The following CNOT3 variants were observed in gnomAD, a reference collection of about 807,000 sequenced individuals.
The protein encoded by CNOT3 is CCR4-NOT transcription complex subunit 3, also known as CCR4-associated factor 3.
A neutral mutation model predicts 89.4 loss-of-function variants in CNOT3; 2 were observed. The ratio of observed to expected loss-of-function variants is 0.02; its 90% CI spans 0.01 to 0.07. CNOT3 has a LOEUF of 0.07. Among genes scored for constraint, CNOT3 ranks in the 10% least tolerant of loss-of-function variants. The pLI, the probability that CNOT3 is intolerant of heterozygous loss-of-function variation, is 1.00. For missense variants in CNOT3, 664 were observed against 1,010.2 expected, an observed-to-expected ratio of 0.66 and a Z score of 4.65; for synonymous variants, 486 against 402.0, an observed-to-expected ratio of 1.21 and a Z score of -2.50.
In CNOT3 at chr19:54,148,240, T is replaced by G; in HGVS notation, c.987T>G (p.Pro329=). 6.3e-7 allele frequency: 1 copy of G among 1,594,550 alleles called. No individual in the cohort carries two copies. Among genetic ancestry groups the G allele is most frequent in the Non-Finnish European group, 8.5e-7 (1 of 1,170,164 alleles). ...VPPTYPSGPP[P]AASALSTTPG... ...CCACCTACCCCTCCGGCCCCCCGCC[T>G]GCTGCCTCTGCCTTGAGCACCACTC... The change falls in exon 11 of 18, where the codon CCT becomes CCG. Residue 329 remains proline (P), a synonymous_variant. Transcript: ENST00000221232. The surrounding 1 kb of genome is among the most constrained non-coding windows in gnomAD (Gnocchi z 6.3).
At chr19:54,143,839 A>G (rs1445685029) in intron 5 of CNOT3, 90 bp downstream of exon 5, 6 of 1,481,358 alleles carry the variant, frequency 4.1e-6, no homozygotes, top group Non-Finnish European at 1.9e-6. Context: ...GCCAGACCCC[A>G]GAGGTCCTCA....
chr19:54,152,020 G>A (rs992049487), intron 13 of CNOT3, among the ~76,000 whole-genome samples: 1 of 152,214 alleles, frequency 6.6e-6, no homozygotes, highest in Non-Finnish European at 1.5e-5. Flanking sequence ...CTCACGAGAC[G>A]TTCCTCTGCT....
Position 54,155,572 on chromosome 19 carries a change from G to T in CNOT3, c.*165G>T, listed in dbSNP as rs1365261048. The T allele has an allele frequency of 1.0e-6, 1 of 971,600 alleles. No homozygotes were observed. Among genetic ancestry groups the T allele is most frequent in the Non-Finnish European group, 1.5e-6 (1 of 664,340 alleles). 60.2% of individuals were successfully genotyped at this position (971,600 alleles called of 1,614,324 possible). A position where few individuals can be genotyped will look rare whatever the true frequency, so the allele number is the denominator to read the frequency against. ...GAGGTTTTCCTCTCAGCCCCACCCT[G>T]GGGGCCCGGGGGCGAGGGCTGCCCC... On this transcript the variant is annotated 3_prime_UTR_variant, in exon 18 of 18. Coordinates refer to ENST00000221232, the MANE Select transcript of CNOT3 (RefSeq NM_014516.4).
At position 54,143,140 on chromosome 19, in the gene CNOT3, A is replaced by G; in HGVS notation, c.47A>G (p.Lys16Arg). Residue 16 changes from lysine to arginine, a missense_variant, in exon 3 of 18, where the codon AAG (lysine) becomes AGG (arginine). Lys to Arg is a conservative substitution (Grantham distance 26). Around this residue, in one of 8 missense-constraint regions of CNOT3, gnomAD observed 27 missense variants for 158.2 expected, o/e 0.17. Transcript: ENST00000221232. ...CCAGGTGAGATTGATCGCTGCCTCA[A>G]GAAGGTGTCCGAGGGCGTGGAGCAG... ...KLQGEIDRCL[K>R]KVSEGVEQFE... 1 of 1,614,078 alleles carries G rather than the reference A, an allele frequency of 6.2e-7. No individual in the cohort carries two copies. The highest frequency in any genetic ancestry group is 8.5e-7 in the Non-Finnish European group (1 of 1,180,016).
intron 4 of CNOT3, 21 bp downstream of exon 4, chr19:54,143,537 G>T (rs1393995245): frequency 6.2e-7 from 1 of 1,613,358 alleles, no homozygotes; most frequent in East Asian, 2.2e-5. Context: ...TGGGGGCCTG[G>T]ACGCCTTTGT....
chr19:54,146,270 G>A (rs2074668608), intron 9 of CNOT3, among the ~76,000 whole-genome samples: 1 of 152,210 alleles, frequency 6.6e-6, no homozygotes, highest in African/African-American at 2.4e-5. Flanking sequence ...CCTGGATCTG[G>A]GAAGTGGGAG....
chr19:54,139,763 G>A (rs1054098355), intron 1 of CNOT3, among the ~76,000 whole-genome samples: 1 of 152,022 alleles, frequency 6.6e-6, no homozygotes, highest in African/African-American at 2.4e-5. Context: ...GTCTCAAGCG[G>A]GAGACTCCAC....
At chr19:54,154,225 C>T (rs2075299709) in intron 17 of CNOT3, 1 of 406,512 alleles carries the variant, frequency 2.5e-6, no homozygotes, top group African/African-American at 2.0e-5. Flanking sequence ...CCCACTTCAC[C>T]TCCAGGTCCC....
In CNOT3 at chr19:54,148,752, C is replaced by CT; in HGVS notation, c.1406+10dup. ...CCACCTCCCAGCACCTCGTGAGTGT[C>CT]TCGGCCATCGGCAGGGTTGGGATGG... On this transcript the variant is annotated intron_variant, in intron 12 of 17. Coordinates refer to ENST00000221232, the MANE Select transcript of CNOT3 (RefSeq NM_014516.4). This position sits in a 1 kb window ranked among gnomAD's most constrained non-coding sequence, Gnocchi z 6.3. 6.2e-7 allele frequency: 1 copy of CT among 1,610,070 alleles called. No individual in the cohort carries two copies. Among genetic ancestry groups the CT allele is most frequent in the Non-Finnish European group, 8.5e-7 (1 of 1,178,568 alleles).
rs587736966 is a variant in CNOT3 at position 54,149,797 on chromosome 19, ACT to A, written c.1605+42_1605+43del. Reference sequence around the variant, plus strand: ...ACATCCCCCGAGCCTCTGTGTCCTGACTCTGTTGTTTCTTTCCTCCAGGTCTC... The same window carrying A: ...ACATCCCCCGAGCCTCTGTGTCCTGACTGTTGTTTCTTTCCTCCAGGTCTC... On this transcript the variant is annotated intron_variant, in intron 13 of 17. Coordinates refer to ENST00000221232, the MANE Select transcript of CNOT3 (RefSeq NM_014516.4). 7.1e-3 allele frequency: 10,828 copies of A among 1,534,450 alleles called. 48 individuals are homozygous for A. Among genetic ancestry groups the A allele is most frequent in the Non-Finnish European group, 7.8e-3 (8,792 of 1,133,958 alleles).
In CNOT3 at chr19:54,148,058, G is replaced by A. The variant is rs751617710; in HGVS notation, c.895-90G>A. The A allele has an allele frequency of 5.6e-6, 6 of 1,068,588 alleles. No individual in the cohort carries two copies. The highest frequency in any genetic ancestry group is 7.6e-6 in the Non-Finnish European group (6 of 785,526). The allele number at this position is 1,068,588 out of a possible 1,614,324, so 66.2% of individuals were successfully genotyped here. On this transcript the variant is annotated intron_variant, in intron 10 of 17. Transcript: ENST00000221232. This position sits in a 1 kb window ranked among gnomAD's most constrained non-coding sequence, Gnocchi z 6.3. ...GGGCAGCGAGGCCAGAGAGGAGGCT[G>A]CTGGGACAAAGATGGAGCCTGAGGT...
chr19:54,143,904 T>C, intron 5 of CNOT3, 102 bp from the exon 6 acceptor site: 1 of 1,529,124 alleles, frequency 6.5e-7, no homozygotes, highest in South Asian at 1.2e-5. Context: ...GACTCAGAGC[T>C]CAGAAAGTAG....
rs762004272 is a variant in CNOT3 at position 54,148,354 on chromosome 19, C to A, written c.1101C>A (p.Thr367=). The change falls in exon 11 of 18, where the codon ACC becomes ACA. Residue 367 remains threonine, a synonymous_variant. Coordinates refer to ENST00000221232, the MANE Select transcript of CNOT3 (RefSeq NM_014516.4). This position sits in a 1 kb window ranked among gnomAD's most constrained non-coding sequence, Gnocchi z 6.3. ...ASPAPSHNSG[T]PAPYAQAVAP... ...CAGCTCCCAGCCACAACTCGGGCAC[C>A]CCTGCTCCCTATGCCCAGGCTGTGG... 2 of 1,583,088 alleles carry A rather than the reference C, an allele frequency of 1.3e-6. No individual in the cohort carries two copies. Among genetic ancestry groups the A allele is most frequent in the African/African-American group, 1.3e-5 (1 of 74,232 alleles).
At chr19:54,149,797 A>C (rs2074958370) in intron 13 of CNOT3, 39 bp downstream of exon 13, 3 of 1,534,508 alleles carry the variant, frequency 2.0e-6, no homozygotes, top group East Asian at 5.0e-5. Context: ...CTGTGTCCTG[A>C]CTCTGTTGTT....
chr19:54,140,887 C>CA (rs1228041012), intron 1 of CNOT3, among the ~76,000 whole-genome samples: 1 of 152,202 alleles, frequency 6.6e-6, no homozygotes, highest in Non-Finnish European at 1.5e-5. Context: ...CGTGTGGAGA[C>CA]ACAGGGAGGG....
At chr19:54,149,230 G>T (rs1298697583) in intron 12 of CNOT3, among the ~76,000 whole-genome samples, 1 of 152,160 alleles carries the variant, frequency 6.6e-6, no homozygotes, top group Non-Finnish European at 1.5e-5. Flanking sequence ...CCTCACCCCA[G>T]CTCCAGCTGG....
chr19:54,145,218 G>A lies in CNOT3; in HGVS notation c.484-380G>A, dbSNP rs188941531. On this transcript the variant is annotated intron_variant, in intron 7 of 17. Coordinates refer to ENST00000221232, the MANE Select transcript of CNOT3 (RefSeq NM_014516.4). This position sits in a 1 kb window ranked among gnomAD's most constrained non-coding sequence, Gnocchi z 5.9. ...ATTGTTACTGCTGGAGCAGGTCGGA[G>A]GGTATCTGTATGCCAGAGGCAGTCA... is the stretch of plus-strand genomic sequence containing the variant. Among the ~76,000 whole-genome samples, 1 of 152,252 alleles carries A rather than the reference G, an allele frequency of 6.6e-6. No individual in the cohort carries two copies. Among genetic ancestry groups the A allele is most frequent in the East Asian group, 1.9e-4 (1 of 5,178 alleles).
At chr19:54,154,161 G>GA in intron 17 of CNOT3, 1 of 546,984 alleles carries the variant, frequency 1.8e-6, no homozygotes, top group Admixed American at 2.3e-5. Flanking sequence ...GATTTTCCCA[G>GA]TATGTGTCCC....
At chr19:54,153,125 A>C in intron 16 of CNOT3, 126 bp downstream of exon 16, 1 of 793,546 alleles carries the variant, frequency 1.3e-6, no homozygotes, top group Non-Finnish European at 2.3e-6. Context: ...CCCCCTCCCT[A>C]TTCCCACTCC....
Sources: allele counts gnomAD v4.1 joint callset (sites outside exome capture counted in the v4.1 genomes callset), GRCh38; gene constraint gnomAD v4.1.1; regional missense constraint gnomAD v4.1.1; non-coding constraint Gnocchi (gnomAD v3.1); transcripts MANE v1.5; gene names NCBI Gene and HGNC (gene_info 2026-07-23, HGNC 2026-07-21).